Variants in ATF6 observed in about 807,000 individuals in gnomAD.
The protein encoded by ATF6 is cyclic AMP-dependent transcription factor ATF-6 alpha.
A neutral mutation model predicts 83.6 loss-of-function variants in ATF6; 53 were observed. The observed-to-expected ratio is 0.63, with a 90% confidence interval of 0.51 to 0.80. ATF6 has a LOEUF of 0.80. Among genes scored for constraint, ATF6 ranks in the 30% least tolerant of loss-of-function variants. The pLI is 0.00. For missense variants in ATF6, 744 were observed against 797.9 expected (o/e 0.93, Z 0.81); for synonymous variants, 288 against 285.8 (o/e 1.01, Z -0.08).
In ATF6 at chr1:161,959,829, A is replaced by G. The variant is rs1396376176; in HGVS notation, c.*1175A>G. Reference sequence around the variant, plus strand: ...AATCTGGTCCAGGTCCTCATGGACCACAGGACAAAGCTTTCATTTTCATTC... The same window carrying G: ...AATCTGGTCCAGGTCCTCATGGACCGCAGGACAAAGCTTTCATTTTCATTC... On this transcript the variant is annotated 3_prime_UTR_variant, in exon 16 of 16. Coordinates refer to ENST00000367942, the MANE Select transcript of ATF6 (RefSeq NM_007348.4). The G allele has an allele frequency of 6.6e-6, 1 of 152,244 alleles. No individual in the cohort carries two copies. Among genetic ancestry groups the G allele is most frequent in the East Asian group, 1.9e-4 (1 of 5,204 alleles). The allele number at this position is 152,244 out of a possible 1,614,324, so 9.4% of individuals were successfully genotyped here.
intron 7 of ATF6, among the ~76,000 whole-genome samples, chr1:161,808,391 G>A (rs1685355732): frequency 6.6e-6 from 1 of 151,980 alleles, no homozygotes; most frequent in Non-Finnish European, 1.5e-5. Flanking sequence ...AGTTTTGTGT[G>A]CATTCTTCTG....
intron 9 of ATF6, among the ~76,000 whole-genome samples, chr1:161,837,820 A>G (rs1686260431): frequency 6.6e-6 from 1 of 152,194 alleles, no homozygotes; most frequent in Non-Finnish European, 1.5e-5. Context: ...ATCAAATACT[A>G]ATTACGTTTT....
At chr1:161,848,816 G>A (rs941845279) in intron 10 of ATF6, among the ~76,000 whole-genome samples, 3 of 151,988 alleles carry the variant, frequency 2.0e-5, no homozygotes, top group African/African-American at 4.8e-5. Context: ...AAGCAGACTC[G>A]AACTCTGACT....
chr1:161,843,688 C>A (rs1341174469), intron 9 of ATF6, among the ~76,000 whole-genome samples: 2 of 152,064 alleles, frequency 1.3e-5, no homozygotes, highest in Admixed American at 6.6e-5. Context: ...ATTTAACATT[C>A]TTGTGATATC....
chr1:161,794,146 C>T (rs565405492), intron 6 of ATF6, among the ~76,000 whole-genome samples: 52 of 152,166 alleles, frequency 3.4e-4, no homozygotes, highest in Admixed American at 2.6e-3. Flanking sequence ...ACCTCGTAAT[C>T]GCCTGCCTCG....
At chr1:161,822,259 A>C (rs1297528847) in intron 9 of ATF6, among the ~76,000 whole-genome samples, 1 of 152,224 alleles carries the variant, frequency 6.6e-6, no homozygotes, top group African/African-American at 2.4e-5. Context: ...TCTGGGGGAC[A>C]CCAGTATGAA....
At chr1:161,860,372 T>C in intron 13 of ATF6, 95 bp downstream of exon 13, 1 of 765,718 alleles carries the variant, frequency 1.3e-6, no homozygotes, top group Non-Finnish European at 1.9e-6. Context: ...TTAAATTTGT[T>C]CTCATCTATG....
intron 15 of ATF6, among the ~76,000 whole-genome samples, chr1:161,948,541 A>G (rs889926567): frequency 1.3e-5 from 2 of 152,186 alleles, no homozygotes; most frequent in African/African-American, 4.8e-5. Context: ...TGTTGTCCCC[A>G]CCTTTATTTT....
intron 14 of ATF6, 160 bp downstream of exon 14, chr1:161,863,472 T>C (rs1686928409): frequency 2.0e-6 from 1 of 507,088 alleles, no homozygotes; most frequent in Non-Finnish European, 3.6e-6. Flanking sequence ...ATATATGCTT[T>C]ACTTTGAGCT....
intron 1 of ATF6, 58 bp downstream of exon 1, chr1:161,766,500 C>T: frequency 6.5e-7 from 1 of 1,545,090 alleles, no homozygotes; most frequent in Non-Finnish European, 8.9e-7. Context: ...AAGGTTTCTT[C>T]CTCCCTACTT....
intron 1 of ATF6, among the ~76,000 whole-genome samples, chr1:161,773,738 T>C (rs1251255402): frequency 6.6e-6 from 1 of 152,242 alleles, no homozygotes; most frequent in Non-Finnish European, 1.5e-5. Context: ...TATTTACTAC[T>C]GTTGAGGGAA....
chr1:161,917,438 G>C (rs1466898784), intron 15 of ATF6, among the ~76,000 whole-genome samples: 1 of 117,766 alleles, frequency 8.5e-6, no homozygotes, highest in Non-Finnish European at 1.8e-5. Flanking sequence ...TTTTTTTTTT[G>C]AAGGCAGAGT....
intron 2 of ATF6, among the ~76,000 whole-genome samples, chr1:161,780,991 G>A (rs1441177862): frequency 1.3e-5 from 2 of 152,148 alleles, no homozygotes; most frequent in African/African-American, 2.4e-5. Context: ...GTGACATTAA[G>A]TTAATATTTA....
chr1:161,846,565 A>G lies in ATF6; in HGVS notation c.1304A>G (p.Gln435Arg), dbSNP rs1309713687. 6.2e-7 allele frequency: 1 copy of G among 1,600,340 alleles called. No individual in the cohort carries two copies. The highest frequency in any genetic ancestry group is 1.7e-5 in the Admixed American group (1 of 58,090). ...CAGGACACATCAGATGGTATTATCC[A>G]GAAAAACAGCTACAGGTAAGATGGC... is the stretch of plus-strand genomic sequence containing the variant. ...EAQDTSDGII[Q>R]KNSYRYDHSV... Residue 435 changes from glutamine (Q) to arginine (R), a missense_variant, in exon 10 of 16, where the codon CAG becomes CGG. Physicochemically the swap from Gln to Arg is conservative, Grantham distance 43 (BLOSUM62 1). Coordinates refer to ENST00000367942, the MANE Select transcript of ATF6 (RefSeq NM_007348.4).
Position 161,791,413 on chromosome 1 carries a change from G to A in ATF6, c.360G>A (p.Glu120=), listed in dbSNP as rs141465868. ...SYSSTQHVPE[E]LDLSSSSQMS... ...TTGTTTTTATTATGCTACAGGAGGAGTTGGATTTGTCTTCTAGTTCTCAGA... is the reference window on the plus strand; with the variant it reads ...TTGTTTTTATTATGCTACAGGAGGAATTGGATTTGTCTTCTAGTTCTCAGA... Residue 120 remains glutamate, a synonymous_variant, in exon 5 of 16, where the codon GAG becomes GAA. Transcript: ENST00000367942. 1.3e-3 allele frequency: 2,054 copies of A among 1,607,292 alleles called. 12 individuals carry two copies. The Middle Eastern group carries it at 0.017, about 14-fold the overall frequency.
At chr1:161,861,680 A>C (rs1031292283) in intron 13 of ATF6, among the ~76,000 whole-genome samples, 2 of 152,158 alleles carry the variant, frequency 1.3e-5, no homozygotes, top group African/African-American at 2.4e-5. Flanking sequence ...GTAACCCCTA[A>C]TATTAGCAGT....
intron 1 of ATF6, among the ~76,000 whole-genome samples, chr1:161,775,649 T>C (rs965316085): frequency 6.6e-6 from 1 of 152,186 alleles, no homozygotes; most frequent in African/African-American, 2.4e-5. Context: ...TTTGTTCTTT[T>C]TGACATATTC....
intron 7 of ATF6, among the ~76,000 whole-genome samples, chr1:161,814,825 G>A (rs572427844): frequency 6.6e-6 from 1 of 152,258 alleles, no homozygotes; most frequent in South Asian, 2.1e-4. Flanking sequence ...TTTAAAGTAG[G>A]ATTGCCACAA....
At chr1:161,946,393 AT>A (rs1169410128) in intron 15 of ATF6, among the ~76,000 whole-genome samples, 3 of 152,240 alleles carry the variant, frequency 2.0e-5, no homozygotes, top group Non-Finnish European at 4.4e-5. Context: ...CGATACAACT[AT>A]GGATCCTCCA....
Sources: allele counts gnomAD v4.1 joint callset (sites outside exome capture counted in the v4.1 genomes callset), GRCh38; gene constraint gnomAD v4.1.1; transcripts MANE v1.5; gene names NCBI Gene and HGNC (gene_info 2026-07-23, HGNC 2026-07-21).